FAM9A: variants seen among roughly 807,000 people sequenced by gnomAD.
FAM9A encodes the protein family with sequence similarity 9 member A.
Under a neutral mutation model 25.0 loss-of-function variants are expected in FAM9A, and 49 were observed. The observed-to-expected ratio is 1.96, with a 90% confidence interval of 1.56 to 2.48. FAM9A has a LOEUF of 2.48. Among genes scored for constraint, FAM9A ranks in the 30% most tolerant of loss-of-function variants. The pLI, the probability that FAM9A is intolerant of heterozygous loss-of-function variation, is 0.00. For synonymous variants in FAM9A, 80 were observed against 85.1 expected (o/e 0.94, Z 0.33); for missense variants, 266 against 249.3 (o/e 1.07, Z -0.45).
At position 8,793,696 on chromosome X, in the gene FAM9A, G is replaced by C. The variant is rs1196933396; in HGVS notation, c.892C>G (p.Leu298Val). Residue 298 changes from leucine to valine, a missense_variant, in exon 8 of 10, where the codon CTG becomes GTG. Leu to Val is a conservative substitution (Grantham distance 32). Coordinates refer to ENST00000381003, the MANE Select transcript of FAM9A (RefSeq NM_174951.3). ...QQPTGVRSWR[L>V]REMKPLLEQL... ...TCAAGTAGCGGCTTCATCTCTCTCA[G>C]CCTCCAGCTCCTAACACCTGTAGGT... 1.7e-6 allele frequency: 2 copies of C among 1,211,077 alleles called. No individual in the cohort carries two copies. Among genetic ancestry groups the C allele is most frequent in the Non-Finnish European group, 2.2e-6 (2 of 895,023 alleles).
At chrX:8,793,861 T>G (rs1404104631) in intron 7 of FAM9A, 105 bp from the exon 8 acceptor site, 1 of 517,322 alleles carries the variant, frequency 1.9e-6, no homozygotes, top group Non-Finnish European at 3.2e-6. Flanking sequence ...CTATACTTCT[T>G]AACACTTTCT....
At chrX:8,799,167 G>A in intron 2 of FAM9A, 73 bp from the exon 3 acceptor site, 4 of 1,059,657 alleles carry the variant, frequency 3.8e-6, no homozygotes, top group Non-Finnish European at 5.1e-6. Context: ...ACGGGATCTC[G>A]GATTCAAGAA....
chrX:8,799,099 T>C lies in FAM9A; in HGVS notation c.92-5A>G, dbSNP rs772809973. 1.2e-5 allele frequency: 14 copies of C among 1,202,650 alleles called. No homozygotes were observed. Among genetic ancestry groups the C allele is most frequent in the East Asian group, 3.0e-5 (1 of 33,622 alleles). ...AGTTAGAGGCGATCCCTGAACCTGG[T>C]TGAGTGCAAAGTCAAACTAAGTAAG... On this transcript the variant is annotated splice_polypyrimidine_tract_variant and splice_region_variant and intron_variant, in intron 2 of 9. Coordinates refer to ENST00000381003, the MANE Select transcript of FAM9A (RefSeq NM_174951.3).
rs1343403977 is a variant in FAM9A, at chrX:8,793,700, C to G, written c.888G>C (p.Trp296Cys). The change falls in exon 8 of 10, where the codon TGG (tryptophan) becomes TGC (cysteine). Residue 296 changes from tryptophan to cysteine, a missense_variant. Transcript: ENST00000381003. ...GTAGCGGCTTCATCTCTCTCAGCCT[C>G]CAGCTCCTAACACCTGTAGGTTGTT... ...RWQQPTGVRS[W>C]RLREMKPLLE... The G allele has an allele frequency of 8.3e-7, 1 of 1,209,831 alleles. No homozygotes were observed. The highest frequency in any genetic ancestry group is 1.7e-5 in the African/African-American group (1 of 57,307).
rs758940322 is a variant in FAM9A at position 8,796,278 on chromosome X, G to T, written c.478C>A (p.Gln160Lys). The T allele has an allele frequency of 8.8e-6, 10 of 1,138,839 alleles. No homozygotes were observed. Among genetic ancestry groups the T allele is most frequent in the Non-Finnish European group, 1.2e-5 (10 of 843,895 alleles). The allele number at this position is 1,138,839 out of a possible 1,213,427, so 93.9% of individuals were successfully genotyped here. Residue 160 changes from glutamine (Q) to lysine (K), a missense_variant, in exon 6 of 10, where the codon CAA becomes AAA. Physicochemically the swap from Gln to Lys is moderately conservative, Grantham distance 53. Transcript: ENST00000381003. ...AGCCAACAATCATACCTTTTTAGTT[G>T]TTTTTTTTTCAAAGCACGTTCAATT... is the stretch of plus-strand genomic sequence containing the variant. ...NTIERALKKK[Q>K]LKRQKRDYRH...
intron 8 of FAM9A, 50 bp from the exon 9 acceptor site, chrX:8,791,429 G>A (rs371693205): frequency 4.2e-6 from 4 of 951,110 alleles, no homozygotes; most frequent in African/African-American, 1.9e-5. Context: ...TACATCTCAC[G>A]TTTTAAACAG....
intron 5 of FAM9A, among the ~76,000 whole-genome samples, chrX:8,797,318 T>A (rs1448456201): frequency 8.9e-6 from 1 of 111,916 alleles, no homozygotes; most frequent in Non-Finnish European, 1.9e-5. Context: ...TCAATTTTTT[T>A]TTGAAAATAT....
At chrX:8,800,333 G>C in intron 1 of FAM9A, 124 bp from the exon 2 acceptor site, 1 of 889,178 alleles carries the variant, frequency 1.1e-6, no homozygotes. Context: ...GTGGGAGCAG[G>C]AGGGGTCGGA....
At chrX:8,792,105 G>C (rs747120105) in intron 8 of FAM9A, among the ~76,000 whole-genome samples, 2 of 111,904 alleles carry the variant, frequency 1.8e-5, no homozygotes, top group African/African-American at 6.5e-5. Flanking sequence ...AGCATTGTGA[G>C]GGAAGAGCAT....
Position 8,800,071 on chromosome X carries a change from G to A in FAM9A, c.91+10C>T. 8.3e-7 allele frequency: 1 copy of A among 1,207,483 alleles called. No individual in the cohort carries two copies. Among genetic ancestry groups the A allele is most frequent in the East Asian group, 3.0e-5 (1 of 33,592 alleles). ...CAGAGAGCAAACAGACCATCTCCTT[G>A]GGCGTGCACCTTCTTTCGTGGCCCC... is the stretch of plus-strand genomic sequence containing the variant. On this transcript the variant is annotated intron_variant, in intron 2 of 9. Transcript: ENST00000381003.
intron 7 of FAM9A, 85 bp from the exon 8 acceptor site, chrX:8,793,841 C>A: frequency 3.3e-6 from 2 of 607,501 alleles, no homozygotes; most frequent in Admixed American, 6.2e-5. Context: ...TATAGGAATA[C>A]TCTTTAAATC....
At chrX:8,794,949 T>G in intron 7 of FAM9A, 129 bp downstream of exon 7, 3 of 990,832 alleles carry the variant, frequency 3.0e-6, no homozygotes, top group Non-Finnish European at 2.7e-6. Flanking sequence ...CCCTAGTACA[T>G]GAGTCCACTT....
chrX:8,794,410 G>A (rs182515180), intron 7 of FAM9A, among the ~76,000 whole-genome samples: 3 of 111,973 alleles, frequency 2.7e-5, no homozygotes, highest in African/African-American at 9.7e-5. Context: ...TCTGACATAA[G>A]TTCTCTTACC....
At chrX:8,800,946 C>G (rs181090989) in intron 1 of FAM9A, among the ~76,000 whole-genome samples, 2 of 77,349 alleles carry the variant, frequency 2.6e-5, no homozygotes, top group East Asian at 8.1e-4. Flanking sequence ...CCCGGGGACA[C>G]TCCTGGGCCC....
At chrX:8,798,601 G>A in intron 3 of FAM9A, 122 bp from the exon 4 acceptor site, 1 of 1,097,507 alleles carries the variant, frequency 9.1e-7, no homozygotes, top group South Asian at 2.3e-5. Context: ...CTTTAAAGCA[G>A]AGCTATGCAT....
Position 8,795,191 on chromosome X carries a change from C to A in FAM9A, c.718G>T (p.Gly240Ter). 9.6e-7 allele frequency: 1 copy of A among 1,038,558 alleles called. No individual in the cohort carries two copies. The highest frequency in any genetic ancestry group is 1.3e-6 in the Non-Finnish European group (1 of 763,790). The allele number at this position is 1,038,558 out of a possible 1,213,427, so 85.6% of individuals were successfully genotyped here. ...EEEKEEEEEEGEEEGGGEEGE... is the reference protein window; with the variant it reads ...EEEKEEEEEE ...TCTTCTCCTCCTCCTTCTTCTTCTC[C>A]TTCTTCTTCCTCCTCTTCTTTCTCC... Residue 240 changes from glycine (G) to a stop codon, truncating the protein, a stop_gained, in exon 7 of 10, where the codon GGA (glycine) becomes TGA (stop). Coordinates refer to ENST00000381003, the MANE Select transcript of FAM9A (RefSeq NM_174951.3). LOFTEE classifies it high-confidence loss of function.
intron 8 of FAM9A, 108 bp from the exon 9 acceptor site, chrX:8,791,487 C>T: frequency 5.4e-6 from 3 of 558,480 alleles, no homozygotes; most frequent in Non-Finnish European, 8.0e-6. Flanking sequence ...TCAAAGGATG[C>T]TGGTTATTTA....
chrX:8,798,341 G>C lies in FAM9A; in HGVS notation c.341+18C>G, dbSNP rs774993127. 32 of 1,207,327 alleles carry C rather than the reference G, an allele frequency of 2.7e-5. No individual in the cohort carries two copies. Among genetic ancestry groups the C allele is most frequent in the Non-Finnish European group, 3.4e-5 (30 of 894,650 alleles). ...AAAAGACCCTATCCGACAGGCAAAA[G>C]TGACTTAAACACTTTACCCCGTGTG... is the stretch of plus-strand genomic sequence containing the variant. On this transcript the variant is annotated intron_variant, in intron 4 of 9. Transcript: ENST00000381003.
At position 8,798,970 on chromosome X, in the gene FAM9A, G is replaced by A. The variant is rs1295665420; in HGVS notation, c.216C>T (p.His72=). 5 of 1,212,609 alleles carry A rather than the reference G, an allele frequency of 4.1e-6. No individual in the cohort carries two copies. The highest frequency in any genetic ancestry group is 2.2e-5 in the Admixed American group (1 of 46,175). ...GGCCCCTTGGGCTGTGTTTACCTGT[G>A]TGCTTCTTCGCCGGGGCGGCCCTAA... ...AQVRAAPAKK[H]TGKDPVRDEC... Residue 72 remains histidine, a synonymous_variant, in exon 3 of 10, where the codon CAC becomes CAT. Coordinates refer to ENST00000381003, the MANE Select transcript of FAM9A (RefSeq NM_174951.3).
Sources: allele counts gnomAD v4.1 joint callset (sites outside exome capture counted in the v4.1 genomes callset), GRCh38; gene constraint gnomAD v4.1.1; transcripts MANE v1.5; gene names NCBI Gene and HGNC (gene_info 2026-07-23, HGNC 2026-07-21).